The following CCT8 variants were observed in gnomAD, a reference collection of about 807,000 sequenced individuals.
The protein encoded by CCT8 is T-complex protein 1 subunit theta.
In CCT8, 10 loss-of-function variants were observed where a neutral mutation model predicts 65.7. That is an observed-to-expected ratio of 0.15 (90% CI 0.09 to 0.26). CCT8 has a LOEUF of 0.26. CCT8 is among the 10% of genes least tolerant of loss of function. The pLI, the probability that CCT8 is intolerant of heterozygous loss-of-function variation, is 1.00. For missense variants in CCT8, 568 were observed against 669.1 expected, an observed-to-expected ratio of 0.85 and a Z score of 1.67; for synonymous variants, 199 against 221.8, an observed-to-expected ratio of 0.90 and a Z score of 0.92.
intron 1 of CCT8, 91 bp downstream of exon 1, chr21:29,073,440 G>A (rs769519506): frequency 4.4e-6 from 7 of 1,599,958 alleles, no homozygotes; most frequent in Non-Finnish European, 6.0e-6. Context: ...AGGGCAGCAC[G>A]CTCAGCCCGT....
intron 8 of CCT8, chr21:29,062,814 G>A (rs2085578998): frequency 2.0e-6 from 1 of 492,612 alleles, no homozygotes; most frequent in Non-Finnish European, 3.6e-6. Context: ...TTGGGAGAAT[G>A]GAAGTCACTT....
intron 3 of CCT8, among the ~76,000 whole-genome samples, chr21:29,068,633 T>C (rs987472767): frequency 6.6e-6 from 1 of 152,034 alleles, no homozygotes; most frequent in African/African-American, 2.4e-5. Flanking sequence ...CTGATTTTGT[T>C]TCTGTATTTT....
chr21:29,061,240 T>C lies in CCT8; in HGVS notation c.1449+13A>G, dbSNP rs1430913163. 6.2e-7 allele frequency: 1 copy of C among 1,603,080 alleles called. No individual in the cohort carries two copies. Among genetic ancestry groups the C allele is most frequent in the Admixed American group, 1.7e-5 (1 of 59,356 alleles). On this transcript the variant is annotated intron_variant, in intron 13 of 14. Transcript: ENST00000286788. ...CAAATAAAGCAATTTAAGTTCAGTG[T>C]TTTTTCAAATACCTCAATATCTAAT...
chr21:29,070,177 A>C, intron 2 of CCT8, 70 bp downstream of exon 2: 1 of 902,600 alleles, frequency 1.1e-6, no homozygotes, highest in Non-Finnish European at 1.7e-6. Flanking sequence ...TCCTCAGAAC[A>C]AGTCTGAAAG....
intron 2 of CCT8, 111 bp from the exon 3 acceptor site, chr21:29,069,613 G>C (rs954588939): frequency 1.7e-6 from 1 of 602,082 alleles, no homozygotes; most frequent in African/African-American, 1.9e-5. Context: ...ATTAAAAAAA[G>C]AGCTTTGCAA....
At chr21:29,066,471 G>A (rs545642956) in intron 6 of CCT8, among the ~76,000 whole-genome samples, 46 of 152,258 alleles carry the variant, frequency 3.0e-4, no homozygotes, top group African/African-American at 1.0e-3. Context: ...ACCGGGAGGC[G>A]GAGGTTGCGG....
Position 29,060,541 on chromosome 21 carries a change from C to G in CCT8, c.1569G>C (p.Gln523His). The change falls in exon 14 of 15, where the codon CAG becomes CAC. Residue 523 changes from glutamine (Q) to histidine (H), a missense_variant and splice_region_variant. Coordinates refer to ENST00000286788, the MANE Select transcript of CCT8 (RefSeq NM_006585.4). ...NAAVTVLRVD[Q>H]IIMAKPAGGP... ...AAGATCAAAATTTCACTTTGCTCAC[C>G]TGATCCACTCTAAGTACAGTGACTG... 1 of 1,613,450 alleles carries G rather than the reference C, an allele frequency of 6.2e-7. No homozygotes were observed. Among genetic ancestry groups the G allele is most frequent in the Non-Finnish European group, 8.5e-7 (1 of 1,179,670 alleles).
chr21:29,065,239 AGG>A, intron 6 of CCT8, 134 bp from the exon 7 acceptor site: 1 of 865,736 alleles, frequency 1.2e-6, no homozygotes, highest in East Asian at 2.6e-5. Context: ...TCCTGGGATA[AGG>A]GGTGGAGTGG....
At chr21:29,064,893 C>G (rs991712663) in intron 7 of CCT8, 75 bp downstream of exon 7, 1 of 1,302,686 alleles carries the variant, frequency 7.7e-7, no homozygotes, top group Non-Finnish European at 1.1e-6. Flanking sequence ...GAAGTACTTA[C>G]TGGTTTAAGA....
intron 2 of CCT8, 86 bp downstream of exon 2, chr21:29,070,161 A>G: frequency 1.3e-6 from 1 of 765,544 alleles, no homozygotes; most frequent in Non-Finnish European, 2.1e-6. Flanking sequence ...AAGTCATACC[A>G]TAACATCCTC....
At chr21:29,073,392 C>T in intron 1 of CCT8, 139 bp downstream of exon 1, 1 of 1,487,462 alleles carries the variant, frequency 6.7e-7, no homozygotes. Flanking sequence ...AAAATCACCT[C>T]CCTTTCTGGA....
At chr21:29,070,478 T>C (rs2085669334) in intron 1 of CCT8, 141 bp from the exon 2 acceptor site, 3 of 491,212 alleles carry the variant, frequency 6.1e-6, no homozygotes, top group Non-Finnish European at 7.2e-6. Context: ...AGAGGGCTGG[T>C]TGCAAATCTT....
chr21:29,056,952 G>C (rs2085505061), intron 14 of CCT8, among the ~76,000 whole-genome samples: 1 of 152,046 alleles, frequency 6.6e-6, no homozygotes, highest in African/African-American at 2.4e-5. Flanking sequence ...TTGTGGTTTA[G>C]GAGCTTTAGG....
At chr21:29,071,669 A>G (rs1030777771) in intron 1 of CCT8, among the ~76,000 whole-genome samples, 2 of 151,990 alleles carry the variant, frequency 1.3e-5, no homozygotes, top group Non-Finnish European at 1.5e-5. Context: ...TACAGGTGTG[A>G]GCCACCAACC....
At chr21:29,061,180 T>C (rs1413984913) in intron 13 of CCT8, 73 bp downstream of exon 13, 26 of 1,212,002 alleles carry the variant, frequency 2.1e-5, no homozygotes, top group African/African-American at 3.0e-5. Flanking sequence ...TGATATTTCT[T>C]TTAAACTCAT....
intron 14 of CCT8, among the ~76,000 whole-genome samples, chr21:29,056,798 A>T (rs2085503665): frequency 6.6e-6 from 1 of 152,252 alleles, no homozygotes. Flanking sequence ...ATTAGTGAAC[A>T]TTCCAAGACA....
intron 3 of CCT8, 130 bp downstream of exon 3, chr21:29,069,293 T>C (rs1005562715): frequency 3.7e-5 from 19 of 507,006 alleles, no homozygotes; most frequent in East Asian, 3.0e-4. Context: ...TAGAACAATC[T>C]GTACAATAAA....
At chr21:29,060,731 C>T in intron 13 of CCT8, 71 bp from the exon 14 acceptor site, 2 of 1,504,524 alleles carry the variant, frequency 1.3e-6, no homozygotes, top group Non-Finnish European at 1.8e-6. Flanking sequence ...CACAAAAAGC[C>T]TCACATAGCT....
intron 14 of CCT8, 29 bp downstream of exon 14, chr21:29,060,512 T>G (rs1203136004): frequency 6.2e-7 from 1 of 1,610,520 alleles, no homozygotes; most frequent in Non-Finnish European, 8.5e-7. Flanking sequence ...AATGAGTATT[T>G]TTAAAGATCA....
Sources: gnomAD v4.1 joint callset for allele counts (sites outside exome capture counted in the v4.1 genomes callset) on GRCh38, gnomAD v4.1.1 for gene constraint, MANE v1.5 for transcripts, NCBI Gene and HGNC (gene_info 2026-07-23, HGNC 2026-07-21) for gene names.